Variants in RABGAP1L observed in about 807,000 individuals in gnomAD.
The protein encoded by RABGAP1L is rab GTPase-activating protein 1-like.
In RABGAP1L, 63 loss-of-function variants were observed where a neutral mutation model predicts 137.7. That is an observed-to-expected ratio of 0.46 (90% confidence interval 0.37 to 0.56). The LOEUF is 0.56. Among genes scored for constraint, RABGAP1L ranks in the 20% least tolerant of loss-of-function variants. The pLI is 0.00. For synonymous variants in RABGAP1L, 431 were observed against 433.7 expected (o/e 0.99, Z 0.08); for missense variants, 1,095 against 1,244.0 (o/e 0.88, Z 1.80).
At chr1:174,551,737 T>C (rs1397751440) in intron 13 of RABGAP1L, among the ~76,000 whole-genome samples, 1 of 147,442 alleles carries the variant, frequency 6.8e-6, no homozygotes, top group East Asian at 2.0e-4. Flanking sequence ...AGAAAAACCA[T>C]GAAACAAAAG....
intron 11 of RABGAP1L, among the ~76,000 whole-genome samples, chr1:174,346,517 A>G (rs1289545192): frequency 6.6e-6 from 1 of 152,096 alleles, no homozygotes; most frequent in Non-Finnish European, 1.5e-5. Context: ...AAGTTTTACA[A>G]TGTATTGACA....
At chr1:174,618,352 G>A (rs892980697) in intron 13 of RABGAP1L, among the ~76,000 whole-genome samples, 1 of 152,198 alleles carries the variant, frequency 6.6e-6, no homozygotes, top group African/African-American at 2.4e-5. Flanking sequence ...TCCTCAAGTG[G>A]GTCTCTGACC....
intron 19 of RABGAP1L, among the ~76,000 whole-genome samples, chr1:174,820,780 G>C (rs778834378): frequency 9.2e-5 from 14 of 152,112 alleles, no homozygotes; most frequent in Admixed American, 2.6e-4. Context: ...ACCTTGGGAG[G>C]CTGAGGCGGG....
At chr1:174,417,830 C>T (rs943451199) in intron 13 of RABGAP1L, among the ~76,000 whole-genome samples, 1 of 152,262 alleles carries the variant, frequency 6.6e-6, no homozygotes, top group African/African-American at 2.4e-5. Context: ...CTGAGTTACC[C>T]AGCCCAAGTC....
chr1:174,642,405 G>A (rs994932664), intron 14 of RABGAP1L, among the ~76,000 whole-genome samples: 1 of 152,056 alleles, frequency 6.6e-6, no homozygotes, highest in South Asian at 2.1e-4. Context: ...CATAATTTTG[G>A]AGAATGCAAA....
chr1:174,168,562 T>C (rs1374086019), intron 1 of RABGAP1L, among the ~76,000 whole-genome samples: 1 of 152,228 alleles, frequency 6.6e-6, no homozygotes, highest in Non-Finnish European at 1.5e-5. Context: ...TTTGATTTGC[T>C]GTTGTCTGCG....
chr1:174,358,354 G>T (rs879306829), intron 11 of RABGAP1L, among the ~76,000 whole-genome samples: 1 of 152,192 alleles, frequency 6.6e-6, no homozygotes, highest in African/African-American at 2.4e-5. Flanking sequence ...GTTCTGAGTC[G>T]TTGCTACAAC....
At chr1:174,487,575 T>C (rs12118738) in intron 13 of RABGAP1L, among the ~76,000 whole-genome samples, 2,241 of 152,284 alleles carry the variant, frequency 0.015, 24 homozygotes, top group Non-Finnish European at 0.021. Flanking sequence ...TCTTTATCCA[T>C]TCAGCCACTT....
At chr1:174,347,661 T>G (rs1310316934) in intron 11 of RABGAP1L, among the ~76,000 whole-genome samples, 1 of 151,978 alleles carries the variant, frequency 6.6e-6, no homozygotes, top group African/African-American at 2.4e-5. Flanking sequence ...CCTGGCTAAT[T>G]TTTTTGTATT....
intron 13 of RABGAP1L, among the ~76,000 whole-genome samples, chr1:174,513,746 A>T (rs1433956090): frequency 6.6e-6 from 1 of 152,232 alleles, no homozygotes; most frequent in East Asian, 1.9e-4. Context: ...TTTCCAGCTT[A>T]ACATTTTTCA....
chr1:174,484,377 T>A (rs1659427581), intron 13 of RABGAP1L, among the ~76,000 whole-genome samples: 1 of 152,234 alleles, frequency 6.6e-6, no homozygotes, highest in African/African-American at 2.4e-5. Context: ...GTACATTGTT[T>A]CCTTTGCTAT....
chr1:174,951,485 G>T (rs1018944528), intron 19 of RABGAP1L, among the ~76,000 whole-genome samples: 2 of 152,172 alleles, frequency 1.3e-5, no homozygotes, highest in Non-Finnish European at 2.9e-5. Flanking sequence ...TACATACTTA[G>T]TGGCAATTAC....
At chr1:174,439,477 A>G (rs936210621) in intron 13 of RABGAP1L, among the ~76,000 whole-genome samples, 1 of 152,184 alleles carries the variant, frequency 6.6e-6, no homozygotes, top group Non-Finnish European at 1.5e-5. Flanking sequence ...TTGGTACTGT[A>G]TTTTGCAGCA....
chr1:174,729,761 A>G (rs959853879), intron 17 of RABGAP1L, among the ~76,000 whole-genome samples: 3 of 152,214 alleles, frequency 2.0e-5, no homozygotes, highest in African/African-American at 7.2e-5. Context: ...AATCAAAACC[A>G]CAATGAGACC....
intron 19 of RABGAP1L, among the ~76,000 whole-genome samples, chr1:174,867,418 GATACAAC>G (rs1651460299): frequency 6.6e-6 from 1 of 152,014 alleles, no homozygotes; most frequent in Non-Finnish European, 1.5e-5. Context: ...GTTATATAAG[GATACAAC>G]ATTAAGAGCA....
intron 19 of RABGAP1L, among the ~76,000 whole-genome samples, chr1:174,839,668 A>G (rs1356215490): frequency 6.6e-6 from 1 of 152,166 alleles, no homozygotes; most frequent in Non-Finnish European, 1.5e-5. Context: ...CTTCAGAACA[A>G]TATTTTTTCT....
At chr1:174,475,008 T>C (rs1350769651) in intron 13 of RABGAP1L, among the ~76,000 whole-genome samples, 1 of 152,082 alleles carries the variant, frequency 6.6e-6, no homozygotes, top group Non-Finnish European at 1.5e-5. Context: ...GTATTAAATG[T>C]AATGTATGTT....
intron 15 of RABGAP1L, among the ~76,000 whole-genome samples, chr1:174,695,231 A>G (rs1355565695): frequency 2.0e-5 from 3 of 152,070 alleles, no homozygotes; most frequent in African/African-American, 7.2e-5. Context: ...TTTACGCTCA[A>G]TAATTCATGG....
chr1:174,280,697 G>A (rs977376971), intron 10 of RABGAP1L, among the ~76,000 whole-genome samples: 20 of 152,222 alleles, frequency 1.3e-4, no homozygotes, highest in African/African-American at 4.8e-4. Flanking sequence ...AGCAAGGAGA[G>A]CACTTAACAA....
Sources: gnomAD v4.1 joint callset for allele counts (sites outside exome capture counted in the v4.1 genomes callset) on GRCh38, gnomAD v4.1.1 for gene constraint, MANE v1.5 for transcripts, NCBI Gene and HGNC (gene_info 2026-07-23, HGNC 2026-07-21) for gene names.